The following IRX4 variants were observed in gnomAD, a reference collection of about 807,000 sequenced individuals.
The protein encoded by IRX4 is iroquois-class homeodomain protein IRX-4.
Under a neutral mutation model 32.0 loss-of-function variants are expected in IRX4, and 22 were observed. The ratio of observed to expected loss-of-function variants is 0.69; its 90% CI spans 0.49 to 0.98. The LOEUF (loss-of-function observed/expected upper bound fraction) is 0.98, where lower values mean the gene tolerates loss of function less well. IRX4 is among the 50% of genes least tolerant of loss of function. The probability of loss-of-function intolerance (pLI) is 0.00; values close to 1 mark genes in which losing one functional copy is unlikely to be tolerated. For synonymous variants in IRX4, 379 were observed against 351.7 expected, an observed-to-expected ratio of 1.08 and a Z score of -0.87; for missense variants, 840 against 744.2, an observed-to-expected ratio of 1.13 and a Z score of -1.50.
chr5:1,881,742 G>A, intron 2 of IRX4, 66 bp downstream of exon 2: 2 of 1,543,698 alleles, frequency 1.3e-6, no homozygotes, highest in East Asian at 2.4e-5. Flanking sequence ...GCGCCTACTG[G>A]GGCAAAAGTG....
At position 1,877,903 on chromosome 5, in the gene IRX4, C is replaced by T; in HGVS notation, c.*66G>A. On this transcript the variant is annotated 3_prime_UTR_variant, in exon 5 of 5. Transcript: ENST00000231357. ...CCGCGCTAGTCTTCCTCTGGAAACT[C>T]AGTGAAAAGAGTCGGCGCCGTCCGC... 1 of 1,385,628 alleles carries T rather than the reference C, an allele frequency of 7.2e-7. No homozygotes were observed. The highest frequency in any genetic ancestry group is 9.7e-7 in the Non-Finnish European group (1 of 1,028,242). 85.8% of individuals were successfully genotyped at this position (1,385,628 alleles called of 1,614,324 possible).
chr5:1,878,991 T>G (rs1038571601), intron 4 of IRX4, among the ~76,000 whole-genome samples, 199 bp from the exon 5 acceptor site: 1 of 138,528 alleles, frequency 7.2e-6, no homozygotes, highest in South Asian at 2.4e-4. Flanking sequence ...GAGGGGGGTG[T>G]CTAATTTTTT....
At chr5:1,880,209 G>T in intron 3 of IRX4, 3 of 1,289,718 alleles carry the variant, frequency 2.3e-6, no homozygotes, top group Non-Finnish European at 2.1e-6. Flanking sequence ...GTGGCAGGAA[G>T]GGTCATTACT....
In IRX4 at chr5:1,877,936, C is replaced by T; in HGVS notation, c.*33G>A. 6.8e-7 allele frequency: 1 copy of T among 1,479,582 alleles called. No homozygotes were observed. Among genetic ancestry groups the T allele is most frequent in the Non-Finnish European group, 9.0e-7 (1 of 1,112,810 alleles). The allele number at this position is 1,479,582 out of a possible 1,614,324, so 91.7% of individuals were successfully genotyped here. ...AGAGTCGGCGCCGTCCGCCTGAGCG[C>T]GGGTTCCCTCCTGGGCTCGGGACCC... On this transcript the variant is annotated 3_prime_UTR_variant, in exon 5 of 5. Coordinates refer to ENST00000231357, the MANE Select transcript of IRX4 (RefSeq NM_016358.3).
chr5:1,878,298 C>T lies in IRX4; in HGVS notation c.1231G>A (p.Ala411Thr). Reference protein sequence around the residue: ...AAPAAVSSAPATSPSVALPHS... With the variant: ...AAPAAVSSAPTTSPSVALPHS... ...GGAAGGGCCACAGACGGGGACGTGG[C>T]GGGCGCGGAGGACACAGCCGCAGGG... Residue 411 changes from alanine (A) to threonine (T), a missense_variant, in exon 5 of 5, where the codon GCC becomes ACC. This residue lies in a region of IRX4 where 585 missense variants were observed against 488.0 expected (regional missense o/e 1.20). Coordinates refer to ENST00000231357, the MANE Select transcript of IRX4 (RefSeq NM_016358.3). 1.9e-6 allele frequency: 3 copies of T among 1,583,336 alleles called. No individual in the cohort carries two copies. The highest frequency in any genetic ancestry group is 1.3e-5 in the African/African-American group (1 of 74,486).
chr5:1,880,004 G>A (rs1735374272), intron 3 of IRX4, 172 bp from the exon 4 acceptor site: 4 of 1,494,246 alleles, frequency 2.7e-6, no homozygotes, highest in Non-Finnish European at 2.7e-6. Context: ...ACCAGGTGCC[G>A]CTGCCTGCTG....
intron 1 of IRX4, 98 bp from the exon 2 acceptor site, chr5:1,882,157 G>A: frequency 7.1e-7 from 1 of 1,408,704 alleles, no homozygotes; most frequent in Non-Finnish European, 9.4e-7. Flanking sequence ...GGCGTGCCCC[G>A]AGTACCCCCG....
chr5:1,882,400 C>G (rs1451954752), intron 1 of IRX4, among the ~76,000 whole-genome samples: 2 of 152,200 alleles, frequency 1.3e-5, no homozygotes, highest in African/African-American at 4.8e-5. Flanking sequence ...GAACCCGGGC[C>G]CGGCCCGTCG....
chr5:1,882,648 G>T lies in IRX4; in HGVS notation c.-1C>A. On this transcript the variant is annotated 5_prime_UTR_variant, in exon 1 of 5. Coordinates refer to ENST00000231357, the MANE Select transcript of IRX4 (RefSeq NM_016358.3). Reference sequence around the variant, plus strand: ...GGTATCCAAACTGCGGGTAGGACATGGCGGGCGCGGCCCGGGGCGGACGGG... The same window carrying T: ...GGTATCCAAACTGCGGGTAGGACATTGCGGGCGCGGCCCGGGGCGGACGGG... 1 of 1,400,182 alleles carries T rather than the reference G, an allele frequency of 7.1e-7. No homozygotes were observed. Among genetic ancestry groups the T allele is most frequent in the Non-Finnish European group, 9.3e-7 (1 of 1,078,232 alleles). The allele number at this position is 1,400,182 out of a possible 1,614,324, so 86.7% of individuals were successfully genotyped here.
At chr5:1,885,999 G>A (rs888288069), upstream of IRX4, among the ~76,000 whole-genome samples, 3 of 152,266 alleles carry the variant, frequency 2.0e-5, no homozygotes, top group African/African-American at 4.8e-5. Flanking sequence ...TCAGCTTCGG[G>A]GAGATGAGGT....
chr5:1,880,614 C>T, intron 3 of IRX4, 111 bp downstream of exon 3: 1 of 754,714 alleles, frequency 1.3e-6, no homozygotes, highest in East Asian at 2.5e-5. Flanking sequence ...GAGTGTCTCT[C>T]TTCCTGCCTC....
At position 1,880,719 on chromosome 5, in the gene IRX4, C is replaced by A. The variant is rs376773689; in HGVS notation, c.407+6G>T. The A allele has an allele frequency of 1.6e-5, 25 of 1,601,320 alleles. No homozygotes were observed. Among genetic ancestry groups the A allele is most frequent in the Non-Finnish European group, 1.5e-5 (18 of 1,168,642 alleles). On this transcript the variant is annotated splice_donor_region_variant and intron_variant, in intron 3 of 4. Transcript: ENST00000231357. ...CTAGTGCTGGTTAGGAGGGGTGGGT[C>A]CTCACCTGTCATAGGGGTACTGGCC...
Position 1,879,546 on chromosome 5 carries a change from C to G in IRX4, c.694G>C (p.Glu232Gln). The G allele has an allele frequency of 6.2e-7, 1 of 1,613,206 alleles. No individual in the cohort carries two copies. The change falls in exon 4 of 5, where the codon GAG becomes CAG. Residue 232 changes from glutamate to glutamine, a missense_variant. Around this residue, in one of 3 missense-constraint regions of IRX4, gnomAD observed 585 missense variants for 488.0 expected, o/e 1.20. Coordinates refer to ENST00000231357, the MANE Select transcript of IRX4 (RefSeq NM_016358.3). ...AEGEEEEGGEEEAREEPLKSS... is the reference protein window; with the variant it reads ...AEGEEEEGGEQEAREEPLKSS... ...TTGAGGGGCTCCTCCCGCGCCTCCT[C>G]CTCGCCCCCCTCCTCCTCCTCGCCC...
At chr5:1,879,235 C>T (rs1178854812) in intron 4 of IRX4, among the ~76,000 whole-genome samples, 1 of 152,226 alleles carries the variant, frequency 6.6e-6, no homozygotes, top group Admixed American at 6.5e-5. Flanking sequence ...TCGTGATCCG[C>T]CCGCCTCTGC....
At chr5:1,887,117 G>A (rs1043676701), upstream of IRX4, 5 of 151,518 alleles carry the variant, frequency 3.3e-5, no homozygotes, top group Non-Finnish European at 5.9e-5. Context: ...GCGGAAGCTC[G>A]GCGCGCGCGC....
In IRX4 at chr5:1,877,607, C is replaced by T; in HGVS notation, c.*362G>A. The T allele has an allele frequency of 3.6e-6, 1 of 280,498 alleles. No individual in the cohort carries two copies. The highest frequency in any genetic ancestry group is 6.6e-6 in the Non-Finnish European group (1 of 151,172). 17.4% of individuals were successfully genotyped at this position (280,498 alleles called of 1,614,324 possible). On this transcript the variant is annotated 3_prime_UTR_variant, in exon 5 of 5. Transcript: ENST00000231357. ...GATGAAATCGGAGGCCCGACAGGCCCAGGAGGCCTCACGCCCAGGGGACAG... is the reference window on the plus strand; with the variant it reads ...GATGAAATCGGAGGCCCGACAGGCCTAGGAGGCCTCACGCCCAGGGGACAG...
In IRX4 at chr5:1,878,413, G is replaced by A. The variant is rs1474908659; in HGVS notation, c.1116C>T (p.Ala372=). The change falls in exon 5 of 5, where the codon GCC becomes GCT. Residue 372 remains alanine (A), a synonymous_variant. Transcript: ENST00000231357. The part of the protein sequence containing the change: ...LEAKPRIWSL[A]HTATAAAAAA... Reference sequence around the variant, plus strand: ...CGGCGGCGGCGGCGGTGGCTGTGTGGGCCAGGGACCAGATGCGCGGCTTAG... The same window carrying A: ...CGGCGGCGGCGGCGGTGGCTGTGTGAGCCAGGGACCAGATGCGCGGCTTAG... The A allele has an allele frequency of 2.0e-6, 3 of 1,524,366 alleles. No homozygotes were observed. The highest frequency in any genetic ancestry group is 2.5e-5 in the East Asian group (1 of 40,638). The allele number at this position is 1,524,366 out of a possible 1,614,324, so 94.4% of individuals were successfully genotyped here.
chr5:1,883,190 C>A (rs1000329956), upstream of IRX4, among the ~76,000 whole-genome samples: 1 of 152,218 alleles, frequency 6.6e-6, no homozygotes, highest in African/African-American at 2.4e-5. Context: ...TCTTTAGTCA[C>A]CCGAGAACGA....
intron 3 of IRX4, among the ~76,000 whole-genome samples, chr5:1,880,496 C>T (rs1330596130): frequency 2.0e-5 from 3 of 152,208 alleles, no homozygotes; most frequent in Admixed American, 6.5e-5. Context: ...GGCCCAACAA[C>T]GTGGGGGACG....
Sources: gnomAD v4.1 joint callset for allele counts (sites outside exome capture counted in the v4.1 genomes callset) on GRCh38, gnomAD v4.1.1 for gene constraint, gnomAD v4.1.1 regional missense constraint, MANE v1.5 for transcripts, NCBI Gene and HGNC (gene_info 2026-07-23, HGNC 2026-07-21) for gene names.